PRKAR1A: variants seen among roughly 807,000 people sequenced by gnomAD.
PRKAR1A encodes protein kinase cAMP-dependent type I regulatory subunit alpha, also known as cAMP-dependent protein kinase type I-alpha regulatory subunit.
In PRKAR1A, 3 loss-of-function variants were observed where a neutral mutation model predicts 52.0. The observed-to-expected ratio is 0.06, with a 90% CI of 0.03 to 0.15. PRKAR1A has a LOEUF of 0.15. Among genes scored for constraint, PRKAR1A ranks in the 10% least tolerant of loss-of-function variants. The pLI is 1.00. For synonymous variants in PRKAR1A, 188 were observed against 168.4 expected (o/e 1.12, Z -0.90); for missense variants, 240 against 477.4 (o/e 0.50, Z 4.63).
chr17:68,455,135 GTGGATC>G, the PRKAR1A span, among the ~76,000 whole-genome samples: 1 of 152,112 alleles, frequency 6.6e-6, no homozygotes, highest in African/African-American at 2.4e-5. Context: ...GCTGAGGTGG[GTGGATC>G]ACTTGAGGTC....
the PRKAR1A span, chr17:68,451,025 C>G: frequency 7.7e-7 from 1 of 1,305,632 alleles, no homozygotes; most frequent in Non-Finnish European, 1.0e-6. Flanking sequence ...GCCAGGCGCC[C>G]TCTCTGAGCT....
At chr17:68,539,523 G>A in intron 11 of PRKAR1A, 1 of 808,038 alleles carries the variant, frequency 1.2e-6, no homozygotes, top group South Asian at 1.4e-5. Context: ...CATGGCAGCT[G>A]CCTCTCCAGC....
chr17:68,529,067 C>T (rs2085883280), intron 9 of PRKAR1A, 76 bp downstream of exon 9: 2 of 1,566,812 alleles, frequency 1.3e-6, no homozygotes. Flanking sequence ...AAGTTGTACG[C>T]TCTAAGAGGG....
chr17:68,420,056 A>G, the PRKAR1A span: 1 of 1,018,894 alleles, frequency 9.8e-7, no homozygotes, highest in African/African-American at 1.6e-5. Flanking sequence ...TTTCTTTGAC[A>G]GAGAGAGCCA....
the PRKAR1A span, chr17:68,420,200 G>A: frequency 3.1e-6 from 5 of 1,614,026 alleles, no homozygotes; most frequent in Admixed American, 5.0e-5. Flanking sequence ...TGGAGCCAGG[G>A]CGTGTGATGG....
At chr17:68,530,061 T>A in intron 10 of PRKAR1A, 60 bp downstream of exon 10, 1 of 1,561,952 alleles carries the variant, frequency 6.4e-7, no homozygotes, top group African/African-American at 1.4e-5. Flanking sequence ...CTCAGTGAGA[T>A]ATTGTAGTCT....
chr17:68,481,541 A>G, the PRKAR1A span, among the ~76,000 whole-genome samples: 3,669 of 152,240 alleles, frequency 0.024, 179 homozygotes, highest in African/African-American at 0.085. Context: ...CTGCTATAAT[A>G]ATCTAATGCC....
chr17:68,530,225 A>C, intron 10 of PRKAR1A, 52 bp from the exon 11 acceptor site: 1 of 1,596,862 alleles, frequency 6.3e-7, no homozygotes, highest in East Asian at 2.2e-5. Context: ...CACTGCTTTA[A>C]GGAAATGTTT....
chr17:68,466,253 C>T, the PRKAR1A span, among the ~76,000 whole-genome samples: 1 of 152,118 alleles, frequency 6.6e-6, no homozygotes, highest in Admixed American at 6.5e-5. Context: ...TTAGGCTTTG[C>T]CCATAGGGAT....
the PRKAR1A span, chr17:68,436,547 AT>A: frequency 1.4e-6 from 2 of 1,460,936 alleles, no homozygotes; most frequent in Admixed American, 3.5e-5. Context: ...TGGAGAGGGC[AT>A]CTGAAAACAG....
At chr17:68,522,692 A>C (rs989307070) in intron 2 of PRKAR1A, 64 bp from the exon 3 acceptor site, 2 of 1,536,128 alleles carry the variant, frequency 1.3e-6, no homozygotes, top group African/African-American at 2.7e-5. Flanking sequence ...CTATCATTGG[A>C]ACATGAGAGT....
In PRKAR1A at chr17:68,531,797, G is replaced by A. The variant is rs777545927; in HGVS notation, c.*1348G>A. 7.7e-6 allele frequency: 8 copies of A among 1,032,388 alleles called. No individual in the cohort carries two copies. Among genetic ancestry groups the A allele is most frequent in the Non-Finnish European group, 9.4e-6 (8 of 849,146 alleles). 64.0% of individuals were successfully genotyped at this position (1,032,388 alleles called of 1,614,324 possible). The stretch of plus-strand genomic sequence containing the variant: ...GCCTTATGTGTTACATTATTCCAAT[G>A]ATACCCAACAGTTTATTTTTATTAT... On this transcript the variant is annotated 3_prime_UTR_variant, in exon 11 of 11. Transcript: ENST00000589228.
intron 7 of PRKAR1A, 60 bp from the exon 8 acceptor site, chr17:68,527,761 TAATATTTATTATTCCATAG>T (rs2085835877): frequency 1.7e-6 from 2 of 1,175,350 alleles, no homozygotes; most frequent in Non-Finnish European, 2.5e-6. Flanking sequence ...ATTTGAAACT[TAATATTTATTATTCCATAG>T]CATTATGTGG....
intron 1 of PRKAR1A, among the ~76,000 whole-genome samples, chr17:68,513,601 A>T (rs2085339819): frequency 6.6e-6 from 1 of 152,178 alleles, no homozygotes; most frequent in African/African-American, 2.4e-5. Context: ...GTGTGTGGGG[A>T]GGGAAGGCTA....
At position 68,532,093 on chromosome 17, in the gene PRKAR1A, T is replaced by G; in HGVS notation, c.*1644T>G. 9.4e-7 allele frequency: 1 copy of G among 1,065,216 alleles called. No homozygotes were observed. The highest frequency in any genetic ancestry group is 1.1e-6 in the Non-Finnish European group (1 of 878,924). 66.0% of individuals were successfully genotyped at this position (1,065,216 alleles called of 1,614,324 possible). ...CTGGGGAAGAGGTTTTATTTACATT[T>G]TAGGGTGGGTAAGAAAGCCACCTTG... is the stretch of plus-strand genomic sequence containing the variant. On this transcript the variant is annotated 3_prime_UTR_variant, in exon 11 of 11. Coordinates refer to ENST00000589228, the MANE Select transcript of PRKAR1A (RefSeq NM_002734.5).
chr17:68,506,298 C>T, the PRKAR1A span, among the ~76,000 whole-genome samples: 1 of 152,070 alleles, frequency 6.6e-6, no homozygotes, highest in African/African-American at 2.4e-5. Context: ...GTTCCTCTAC[C>T]TGAAATACCA....
chr17:68,530,625 A>G lies in PRKAR1A; in HGVS notation c.*176A>G. On this transcript the variant is annotated 3_prime_UTR_variant, in exon 11 of 11. Transcript: ENST00000589228. ...ATTTTCAATTTGGAGCATTAACTAA[A>G]TGCTCATACACAGTTAAATAAATAG... 2 of 1,520,066 alleles carry G rather than the reference A, an allele frequency of 1.3e-6. No homozygotes were observed. Among genetic ancestry groups the G allele is most frequent in the Non-Finnish European group, 1.8e-6 (2 of 1,136,078 alleles). The allele number at this position is 1,520,066 out of a possible 1,614,324, so 94.2% of individuals were successfully genotyped here.
Position 68,532,281 on chromosome 17 carries a change from TAAATG to T in PRKAR1A, c.*1834_*1838del. ...CTTTGTTTAAATGCCAAAATGTACT[TAAATG>T]AGTTACTTAGAATGCCATAAAATTG... is the stretch of plus-strand genomic sequence containing the variant. On this transcript the variant is annotated 3_prime_UTR_variant, in exon 11 of 11. Transcript: ENST00000589228. 5 of 1,046,416 alleles carry T rather than the reference TAAATG, an allele frequency of 4.8e-6. No individual in the cohort carries two copies. In the South Asian group the frequency reaches 1.9e-4, roughly 39 times the overall value. The allele number at this position is 1,046,416 out of a possible 1,614,324, so 64.8% of individuals were successfully genotyped here.
At chr17:68,516,109 A>T (rs2085425087) in intron 2 of PRKAR1A, among the ~76,000 whole-genome samples, 1 of 152,134 alleles carries the variant, frequency 6.6e-6, no homozygotes, top group East Asian at 1.9e-4. Context: ...ATTGATATTG[A>T]TGTTCCTCAA....
Sources: allele counts gnomAD v4.1 joint callset (sites outside exome capture counted in the v4.1 genomes callset), GRCh38; gene constraint gnomAD v4.1.1; transcripts MANE v1.5; gene names NCBI Gene and HGNC (gene_info 2026-07-23, HGNC 2026-07-21).